The following DLGAP2 variants were observed in gnomAD, a reference collection of about 807,000 sequenced individuals.
DLGAP2 encodes the protein DLG associated protein 2, also known as disks large-associated protein 2.
DLGAP2 carries 26 observed loss-of-function variants against 100.3 expected under a neutral mutation model. That is an observed-to-expected ratio of 0.26 (90% CI 0.19 to 0.36). The LOEUF (loss-of-function observed/expected upper bound fraction) is 0.36, where lower values mean the gene tolerates loss of function less well. Ranked by LOEUF, DLGAP2 falls within the 10% of genes least tolerant of loss-of-function variation. The pLI is 1.00. For missense variants in DLGAP2, 1,858 were observed against 1,453.2 expected (o/e 1.28, Z -4.53); for synonymous variants, 886 against 630.1 (o/e 1.41, Z -6.08).
chr8:1,453,794 C>T (rs1798229462), intron 3 of DLGAP2, among the ~76,000 whole-genome samples: 1 of 152,220 alleles, frequency 6.6e-6, no homozygotes, highest in African/African-American at 2.4e-5. Context: ...TACTCCCAAC[C>T]CATAAGGCAT....
At chr8:1,224,819 AGCACGTGATAAGAT>A (rs1182373635) in intron 2 of DLGAP2, among the ~76,000 whole-genome samples, 1 of 152,238 alleles carries the variant, frequency 6.6e-6, no homozygotes, top group Non-Finnish European at 1.5e-5. Context: ...ATGGTCAACA[AGCACGTGATAAGAT>A]GCTTAAAACT....
intron 2 of DLGAP2, among the ~76,000 whole-genome samples, chr8:972,595 TA>T (rs1488295462): frequency 2.6e-5 from 4 of 151,662 alleles, no homozygotes; most frequent in African/African-American, 9.7e-5. Context: ...AGGTAGAAAA[TA>T]TTTTTTTTTG....
chr8:1,277,667 A>C (rs750648003), intron 3 of DLGAP2, among the ~76,000 whole-genome samples: 2 of 152,180 alleles, frequency 1.3e-5, no homozygotes, highest in Non-Finnish European at 1.5e-5. Flanking sequence ...GTGTTATCCG[A>C]AATGAGTGGT....
At chr8:1,281,588 T>G (rs1799814561) in intron 3 of DLGAP2, among the ~76,000 whole-genome samples, 1 of 152,176 alleles carries the variant, frequency 6.6e-6, no homozygotes, top group African/African-American at 2.4e-5. Flanking sequence ...GTTGACCAGT[T>G]TTGAGCCCGT....
chr8:901,733 C>G (rs987682827), intron 1 of DLGAP2, among the ~76,000 whole-genome samples: 1 of 152,210 alleles, frequency 6.6e-6, no homozygotes, highest in Non-Finnish European at 1.5e-5. Flanking sequence ...CACGGGGCGT[C>G]CCCATTGCCC....
intron 12 of DLGAP2, among the ~76,000 whole-genome samples, chr8:1,679,979 CAAAAAAA>C (rs760100523): frequency 7.9e-5 from 5 of 63,518 alleles, no homozygotes; most frequent in Admixed American, 2.0e-4. Context: ...GACTCTGTCT[CAAAAAAA>C]AAAAAAAAAA....
chr8:1,660,225 G>A (rs1798378802), intron 8 of DLGAP2, among the ~76,000 whole-genome samples: 1 of 152,150 alleles, frequency 6.6e-6, no homozygotes, highest in Admixed American at 6.5e-5. Context: ...TTAGTCTCAT[G>A]GGCTTCCCTT....
chr8:1,517,847 G>A (rs764542937), intron 4 of DLGAP2, among the ~76,000 whole-genome samples: 7 of 152,214 alleles, frequency 4.6e-5, no homozygotes, highest in Non-Finnish European at 8.8e-5. Context: ...TGATAGTGTG[G>A]CCCTGGGGGC....
rs1266307369 is a variant in DLGAP2 at position 908,563 on chromosome 8, G to A, written c.73+597G>A. Among the ~76,000 whole-genome samples the A allele has an allele frequency of 3.3e-5, 5 of 152,178 alleles. No individual in the cohort carries two copies. In the South Asian group the frequency reaches 1.0e-3, roughly 32 times the overall value. Reference sequence around the variant, plus strand: ...TGCCTGACCTTTAAGGAAACATGACGGAGAAAAAGAAGGTCTAAAAAAAAC... The same window carrying A: ...TGCCTGACCTTTAAGGAAACATGACAGAGAAAAAGAAGGTCTAAAAAAAAC... On this transcript the variant is annotated intron_variant, in intron 2 of 14. Coordinates refer to ENST00000637795, the MANE Select transcript of DLGAP2 (RefSeq NM_001346810.2).
At chr8:1,452,733 G>T (rs1454647722) in intron 3 of DLGAP2, among the ~76,000 whole-genome samples, 1 of 152,116 alleles carries the variant, frequency 6.6e-6, no homozygotes, top group African/African-American at 2.4e-5. Context: ...AGCAGCCGGG[G>T]TCAGGCTGGG....
chr8:1,660,253 TTCTC>T (rs1563046946), intron 8 of DLGAP2, among the ~76,000 whole-genome samples: 1 of 152,186 alleles, frequency 6.6e-6, no homozygotes, highest in Non-Finnish European at 1.5e-5. Context: ...AACCTGACCT[TTCTC>T]TCTGGCTGGA....
chr8:1,322,657 A>G (rs1036750378), intron 3 of DLGAP2, among the ~76,000 whole-genome samples: 23 of 151,890 alleles, frequency 1.5e-4, no homozygotes, highest in African/African-American at 5.3e-4. Flanking sequence ...ATGGAAATGC[A>G]TGCACCCACC....
chr8:802,357 A>G (rs1469466770), intron 1 of DLGAP2, among the ~76,000 whole-genome samples: 7 of 152,236 alleles, frequency 4.6e-5, no homozygotes, highest in Admixed American at 4.6e-4. Context: ...CCCCCACCTC[A>G]GGCCACAGCT....
rs1015852302 is a variant in DLGAP2, at chr8:1,506,255, C to T, written c.172+4824C>T. 2.0e-5 allele frequency among the ~76,000 whole-genome samples: 3 copies of T among 152,194 alleles called. No homozygotes were observed. The East Asian group carries it at 5.8e-4, about 29-fold the overall frequency. ...GTTCTTTCAAAAAACAAAAACCCAG[C>T]TCTACCTATACTTGTCATTTTATCG... On this transcript the variant is annotated intron_variant, in intron 4 of 14. Coordinates refer to ENST00000637795, the MANE Select transcript of DLGAP2 (RefSeq NM_001346810.2).
chr8:922,066 G>C (rs917930208), intron 2 of DLGAP2, among the ~76,000 whole-genome samples: 1 of 152,256 alleles, frequency 6.6e-6, no homozygotes, highest in Non-Finnish European at 1.5e-5. Flanking sequence ...CGTGTGCGCA[G>C]TTGGCGCCAC....
Position 1,357,502 on chromosome 8 carries a change from G to C in DLGAP2, c.106+98619G>C, listed in dbSNP as rs186578765. Among the ~76,000 whole-genome samples, 1,009 of 151,856 alleles carry C rather than the reference G, an allele frequency of 6.6e-3. 11 individuals are homozygous for C. The highest frequency in any genetic ancestry group is 0.01 in the Non-Finnish European group (711 of 67,924). On this transcript the variant is annotated intron_variant, in intron 3 of 14. Transcript: ENST00000637795. ...TGCTATTCCTATTGCTGGTGAGTGA[G>C]AATATTAATACCATCTGTAGTAGTG...
intron 2 of DLGAP2, among the ~76,000 whole-genome samples, chr8:1,207,385 C>T (rs1329595110): frequency 6.6e-6 from 1 of 152,190 alleles, no homozygotes; most frequent in East Asian, 1.9e-4. Context: ...CAACTCCATC[C>T]AGGCTGCCGC....
chr8:842,991 C>G (rs772262918), intron 1 of DLGAP2, among the ~76,000 whole-genome samples: 8 of 152,180 alleles, frequency 5.3e-5, no homozygotes, highest in Non-Finnish European at 8.8e-5. Flanking sequence ...TGTGGATGTG[C>G]CTCTCTGGCG....
intron 3 of DLGAP2, among the ~76,000 whole-genome samples, chr8:1,266,027 C>A (rs1046123593): frequency 6.6e-6 from 1 of 152,160 alleles, no homozygotes; most frequent in Non-Finnish European, 1.5e-5. Flanking sequence ...AAAATGATTA[C>A]AAGGAGAAAC....
Sources: gnomAD v4.1 joint callset for allele counts (sites outside exome capture counted in the v4.1 genomes callset) on GRCh38, gnomAD v4.1.1 for gene constraint, MANE v1.5 for transcripts, NCBI Gene and HGNC (gene_info 2026-07-23, HGNC 2026-07-21) for gene names.